SMCO2: variants seen among roughly 807,000 people sequenced by gnomAD.
The protein encoded by SMCO2 is single-pass membrane protein with coiled-coil domains 2.
In SMCO2, 25 loss-of-function variants were observed where a neutral mutation model predicts 29.5. The observed-to-expected ratio is 0.85, with a 90% confidence interval of 0.62 to 1.18. SMCO2 has a LOEUF of 1.18. SMCO2 is among the 50% of genes most tolerant of loss of function. SMCO2 has a pLI of 0.00. For missense variants in SMCO2, 348 were observed against 344.5 expected, an observed-to-expected ratio of 1.01 and a Z score of -0.08; for synonymous variants, 117 against 123.3, an observed-to-expected ratio of 0.95 and a Z score of 0.34.
At chr12:27,492,273 G>A (rs1051196886) in intron 5 of SMCO2, among the ~76,000 whole-genome samples, 2 of 151,870 alleles carry the variant, frequency 1.3e-5, no homozygotes, top group Non-Finnish European at 2.9e-5. Flanking sequence ...CCTATATAAT[G>A]CAGGGCTTGA....
the SMCO2 span, among the ~76,000 whole-genome samples, chr12:27,435,178 C>A: frequency 1.4e-5 from 2 of 146,638 alleles, no homozygotes; most frequent in African/African-American, 5.0e-5. Flanking sequence ...TTGTATAATT[C>A]TTTAATTATA....
At chr12:27,483,462 G>T (rs1949662620) in intron 4 of SMCO2, among the ~76,000 whole-genome samples, 1 of 151,870 alleles carries the variant, frequency 6.6e-6, no homozygotes, top group Admixed American at 6.6e-5. Flanking sequence ...CTGTCACCCA[G>T]GCTGGCGTGC....
chr12:27,500,296 G>GTACC (rs1391439882), intron 7 of SMCO2, among the ~76,000 whole-genome samples: 1 of 149,954 alleles, frequency 6.7e-6, no homozygotes, highest in Non-Finnish European at 1.5e-5. Flanking sequence ...GAATTTAACT[G>GTACC]TACCAAGAGT....
the SMCO2 span, among the ~76,000 whole-genome samples, chr12:27,455,237 T>C: frequency 6.6e-6 from 1 of 152,206 alleles, no homozygotes; most frequent in African/African-American, 2.4e-5. Flanking sequence ...GCACTCCAAG[T>C]AGCATCTATC....
exon 8 of SMCO2, chr12:27,501,992 A>G (rs1307363338): frequency 1.3e-6 from 2 of 1,547,814 alleles, no homozygotes; most frequent in African/African-American, 1.4e-5. Context: ...GTTACATACT[A>G]TTTTTTGGTG....
At chr12:27,451,292 A>G in the SMCO2 span, among the ~76,000 whole-genome samples, 4 of 152,026 alleles carry the variant, frequency 2.6e-5, no homozygotes, top group East Asian at 7.7e-4. Flanking sequence ...TTCTAACATT[A>G]TCTTTTGGAG....
At chr12:27,468,845 C>T (rs1211571210) in intron 1 of SMCO2, among the ~76,000 whole-genome samples, 1 of 152,200 alleles carries the variant, frequency 6.6e-6, no homozygotes, top group African/African-American at 2.4e-5. Context: ...ATAATACCCT[C>T]TGTATCATGT....
At chr12:27,486,981 C>G (rs1195032524) in intron 4 of SMCO2, among the ~76,000 whole-genome samples, 4 of 152,040 alleles carry the variant, frequency 2.6e-5, no homozygotes, top group Admixed American at 1.3e-4. Context: ...GCAAGGAACC[C>G]TTATTTTCAG....
At chr12:27,426,521 A>G in the SMCO2 span, among the ~76,000 whole-genome samples, 2 of 152,216 alleles carry the variant, frequency 1.3e-5, no homozygotes, top group Admixed American at 6.5e-5. Flanking sequence ...ACCCTTGCAG[A>G]GCTTTAGTGA....
At chr12:27,490,097 C>A (rs1592216136) in intron 5 of SMCO2, among the ~76,000 whole-genome samples, 2 of 152,176 alleles carry the variant, frequency 1.3e-5, no homozygotes, top group East Asian at 3.8e-4. Flanking sequence ...AGCTTAAAAA[C>A]TAGAAACAAT....
chr12:27,500,666 G>T (rs1227274641), intron 7 of SMCO2, among the ~76,000 whole-genome samples: 3 of 150,624 alleles, frequency 2.0e-5, no homozygotes, highest in Admixed American at 2.0e-4. Context: ...TCATAAGAAA[G>T]AACAAATCTG....
At chr12:27,423,388 G>A in the SMCO2 span, 19 of 144,218 alleles carry the variant, frequency 1.3e-4, 1 homozygote, top group Admixed American at 4.2e-4. Context: ...GGAGTGCAGT[G>A]GCGCGATCTT....
At chr12:27,454,280 G>GA in the SMCO2 span, among the ~76,000 whole-genome samples, 2 of 152,132 alleles carry the variant, frequency 1.3e-5, no homozygotes, top group Non-Finnish European at 2.9e-5. Flanking sequence ...CACCATGCCT[G>GA]GCCCTCTCTG....
intron 4 of SMCO2, among the ~76,000 whole-genome samples, chr12:27,486,538 C>A (rs1949690562): frequency 6.6e-6 from 1 of 152,146 alleles, no homozygotes; most frequent in South Asian, 2.1e-4. Context: ...GAGGCTAAAT[C>A]CAATTCCTGT....
At chr12:27,489,232 A>G (rs1230759552) in intron 5 of SMCO2, among the ~76,000 whole-genome samples, 1 of 152,116 alleles carries the variant, frequency 6.6e-6, no homozygotes, top group East Asian at 1.9e-4. Context: ...TAATTTTAGT[A>G]GAGATGGGGT....
intron 4 of SMCO2, 114 bp downstream of exon 5, chr12:27,475,845 C>A: frequency 9.6e-7 from 1 of 1,036,666 alleles, no homozygotes; most frequent in Non-Finnish European, 1.3e-6. Context: ...GGTATACTTT[C>A]TTGGATGAAA....
chr12:27,495,835 T>C, exon 7 of SMCO2: 2 of 1,522,962 alleles, frequency 1.3e-6, no homozygotes, highest in Non-Finnish European at 1.8e-6. Context: ...TGCAGAAGTC[T>C]CCTCCCCGCA....
intron 4 of SMCO2, among the ~76,000 whole-genome samples, chr12:27,476,094 C>A (rs1021499043): frequency 6.6e-6 from 1 of 152,108 alleles, no homozygotes; most frequent in Non-Finnish European, 1.5e-5. Flanking sequence ...ATTTTAATTT[C>A]TTCCCTAATT....
chr12:27,475,056 C>G, intron 4 of SMCO2, 143 bp downstream of exon 4: 1 of 945,400 alleles, frequency 1.1e-6, no homozygotes, highest in East Asian at 2.7e-5. Flanking sequence ...GCATAGGTAA[C>G]TACCTACATG....
Sources: allele counts gnomAD v4.1 joint callset (sites outside exome capture counted in the v4.1 genomes callset), GRCh38; gene constraint gnomAD v4.1.1; transcripts MANE v1.5; gene names NCBI Gene and HGNC (gene_info 2026-07-23, HGNC 2026-07-21).